TMEM74: variants seen among roughly 807,000 people sequenced by gnomAD.
TMEM74 encodes transmembrane protein 74.
Under a neutral mutation model 18.1 loss-of-function variants are expected in TMEM74, and 13 were observed. That is an observed-to-expected ratio of 0.72 (90% CI 0.47 to 1.14). TMEM74 has a LOEUF of 1.14. TMEM74 is among the 50% of genes most tolerant of loss of function. TMEM74 has a pLI of 0.00. For synonymous variants in TMEM74, 159 were observed against 146.6 expected (o/e 1.08, Z -0.61); for missense variants, 372 against 375.9 (o/e 0.99, Z 0.09).
chr8:108,719,895 G>A (rs1036041061), intron 1 of TMEM74, among the ~76,000 whole-genome samples: 1 of 152,042 alleles, frequency 6.6e-6, no homozygotes, highest in African/African-American at 2.4e-5. Context: ...ACACTGTTTC[G>A]ATTTGTTGGA....
At chr8:108,621,040 T>C (rs1331200778) in intron 2 of TMEM74, among the ~76,000 whole-genome samples, 1 of 152,144 alleles carries the variant, frequency 6.6e-6, no homozygotes, top group African/African-American at 2.4e-5. Context: ...AAGGAAACTA[T>C]GAGATTTGAG....
chr8:108,717,803 T>G (rs2130628335), intron 1 of TMEM74, among the ~76,000 whole-genome samples: 1 of 152,100 alleles, frequency 6.6e-6, no homozygotes, highest in Admixed American at 6.6e-5. Context: ...TAAGTGTGCC[T>G]TGAGTGGCGT....
chr8:108,626,248 G>GA, intron 2 of TMEM74, among the ~76,000 whole-genome samples: 1 of 151,600 alleles, frequency 6.6e-6, no homozygotes. Context: ...CTCTATATTG[G>GA]AAAAAATCCA....
chr8:108,667,701 C>T (rs1812962838), intron 1 of TMEM74, among the ~76,000 whole-genome samples: 1 of 152,072 alleles, frequency 6.6e-6, no homozygotes, highest in Admixed American at 6.6e-5. Flanking sequence ...CATCATTTCT[C>T]CTTTGTCTGC....
At chr8:108,742,353 C>A (rs1813809433) in intron 1 of TMEM74, among the ~76,000 whole-genome samples, 1 of 152,078 alleles carries the variant, frequency 6.6e-6, no homozygotes, top group South Asian at 2.1e-4. Context: ...GCATGTATTA[C>A]CTATTTGGAT....
At chr8:108,758,129 G>C (rs910308060) in intron 1 of TMEM74, among the ~76,000 whole-genome samples, 3 of 151,926 alleles carry the variant, frequency 2.0e-5, no homozygotes, top group African/African-American at 4.8e-5. Flanking sequence ...CAGACTTCCA[G>C]TTCCAGAAAT....
At chr8:108,609,141 A>G (rs183037520) in intron 2 of TMEM74, among the ~76,000 whole-genome samples, 2 of 152,342 alleles carry the variant, frequency 1.3e-5, no homozygotes. Flanking sequence ...TTATACAGAT[A>G]AATCCTTCTG....
chr8:108,649,757 TAC>T (rs1455327699), intron 2 of TMEM74, among the ~76,000 whole-genome samples: 1 of 152,160 alleles, frequency 6.6e-6, no homozygotes, highest in Non-Finnish European at 1.5e-5. Context: ...AGTTGGTAGT[TAC>T]ACAGTCTTAC....
intron 1 of TMEM74, among the ~76,000 whole-genome samples, chr8:108,657,877 T>TATATATATATATATATATTAATTAC (rs1812857698): frequency 2.8e-5 from 2 of 70,892 alleles, no homozygotes; most frequent in African/African-American, 1.2e-4. Context: ...TATATATATA[T>TATATATATATATATATATTAATTAC]ATATATATAT....
intron 1 of TMEM74, among the ~76,000 whole-genome samples, chr8:108,761,084 T>TG (rs1329619994): frequency 6.6e-6 from 1 of 152,070 alleles, no homozygotes; most frequent in Non-Finnish European, 1.5e-5. Context: ...TACCTTATTT[T>TG]GGTTTCTATT....
chr8:108,645,799 T>C (rs1812711915), intron 2 of TMEM74, among the ~76,000 whole-genome samples: 1 of 152,078 alleles, frequency 6.6e-6, no homozygotes, highest in African/African-American at 2.4e-5. Flanking sequence ...GGGATTAATT[T>C]ATCCCCATCC....
chr8:108,740,027 G>A (rs918278591), intron 1 of TMEM74, among the ~76,000 whole-genome samples: 1 of 152,122 alleles, frequency 6.6e-6, no homozygotes, highest in Admixed American at 6.5e-5. Flanking sequence ...AAAAGGGCAG[G>A]TGCATGATCT....
In TMEM74 at chr8:108,782,452, A is replaced by G. The variant is rs149702065; in HGVS notation, c.*1729T>C. 1.2e-3 allele frequency among the ~76,000 whole-genome samples: 184 copies of G among 152,202 alleles called. No homozygotes were observed. The highest frequency in any genetic ancestry group is 4.0e-3 in the African/African-American group (167 of 41,548). On this transcript the variant is annotated 3_prime_UTR_variant, in exon 2 of 2. Transcript: ENST00000297459. ...CTCATTTTTACTTAATAATTCTTTC[A>G]TATGCCCATCCTCTCTTTTTACTAT...
intron 1 of TMEM74, among the ~76,000 whole-genome samples, chr8:108,727,191 A>G (rs1376020306): frequency 6.6e-6 from 1 of 152,176 alleles, no homozygotes; most frequent in Non-Finnish European, 1.5e-5. Flanking sequence ...GATTTTTCTC[A>G]GAGTCAAATT....
At chr8:108,638,924 G>A (rs989989633) in intron 2 of TMEM74, among the ~76,000 whole-genome samples, 1 of 152,158 alleles carries the variant, frequency 6.6e-6, no homozygotes, top group Non-Finnish European at 1.5e-5. Flanking sequence ...ATAGCAAACT[G>A]ATGCAAGTGG....
intron 1 of TMEM74, among the ~76,000 whole-genome samples, chr8:108,787,131 T>C (rs1446682733): frequency 6.6e-6 from 1 of 152,106 alleles, no homozygotes; most frequent in Non-Finnish European, 1.5e-5. Flanking sequence ...ACACGCACTT[T>C]CCCTCGTCCA....
intron 1 of TMEM74, among the ~76,000 whole-genome samples, chr8:108,746,699 T>C (rs1316906842): frequency 1.3e-5 from 2 of 152,034 alleles, no homozygotes; most frequent in Non-Finnish European, 2.9e-5. Flanking sequence ...AACCATGTGA[T>C]CAGAGGGTTG....
intron 1 of TMEM74, among the ~76,000 whole-genome samples, chr8:108,722,468 C>T (rs1297776138): frequency 2.0e-5 from 3 of 152,098 alleles, no homozygotes; most frequent in Non-Finnish European, 4.4e-5. Flanking sequence ...AAAACTCACC[C>T]GATTTTTAAT....
intron 1 of TMEM74, among the ~76,000 whole-genome samples, chr8:108,747,619 C>T (rs1251618192): frequency 4.6e-5 from 7 of 151,928 alleles, no homozygotes; most frequent in Non-Finnish European, 1.0e-4. Context: ...CATAGGTAAA[C>T]GTGTGCCATG....
Sources: allele counts gnomAD v4.1 joint callset (sites outside exome capture counted in the v4.1 genomes callset), GRCh38; gene constraint gnomAD v4.1.1; transcripts MANE v1.5; gene names NCBI Gene and HGNC (gene_info 2026-07-23, HGNC 2026-07-21).